Variants in DLG2 observed in about 807,000 individuals in gnomAD.
The protein encoded by DLG2 is discs large MAGUK scaffold protein 2.
A neutral mutation model predicts 132.5 loss-of-function variants in DLG2; 45 were observed. The observed-to-expected ratio is 0.34, with a 90% CI of 0.27 to 0.44. DLG2 has a LOEUF of 0.44. Ranked by LOEUF, DLG2 falls within the 20% of genes least tolerant of loss-of-function variation. The pLI is 1.00. For missense variants in DLG2, 1,045 were observed against 1,196.9 expected (o/e 0.87, Z 1.87); for synonymous variants, 424 against 419.6 (o/e 1.01, Z -0.13).
intron 7 of DLG2, among the ~76,000 whole-genome samples, chr11:84,489,573 C>T (rs976670269): frequency 2.0e-5 from 3 of 152,082 alleles, no homozygotes; most frequent in Non-Finnish European, 4.4e-5. Context: ...TTTTATTATA[C>T]AAACCTAGCT....
chr11:83,833,755 T>A lies in DLG2; in HGVS notation c.1581A>T (p.Val527=), dbSNP rs201504724. The change falls in exon 17 of 28, where the codon GTA becomes GTT. Residue 527 remains valine, a synonymous_variant. Transcript: ENST00000376104. The stretch of plus-strand genomic sequence containing the variant: ...GGCCAGTGGAGCCTTTGTGCAGGAC[T>A]ACCTTGCGAGGCTCTCTGCAGAAAG... ...AVSLEGEPRK[V]VLHKGSTGLG... 5 of 1,613,710 alleles carry A rather than the reference T, an allele frequency of 3.1e-6. No homozygotes were observed. Among genetic ancestry groups the A allele is most frequent in the Non-Finnish European group, 4.2e-6 (5 of 1,179,862 alleles).
chr11:84,507,318 T>C (rs1177081984), intron 7 of DLG2, among the ~76,000 whole-genome samples: 1 of 152,204 alleles, frequency 6.6e-6, no homozygotes, highest in East Asian at 1.9e-4. Context: ...ATAAATAATG[T>C]GTGACCAAAG....
intron 10 of DLG2, among the ~76,000 whole-genome samples, chr11:84,087,950 C>A (rs771316769): frequency 6.6e-6 from 1 of 152,082 alleles, no homozygotes; most frequent in Non-Finnish European, 1.5e-5. Flanking sequence ...GAAAATAATA[C>A]GAAATGATTG....
intron 19 of DLG2, among the ~76,000 whole-genome samples, chr11:83,607,536 T>C (rs1265478590): frequency 6.6e-6 from 1 of 152,200 alleles, no homozygotes; most frequent in Non-Finnish European, 1.5e-5. Flanking sequence ...ACTTACTACA[T>C]TTCCTACAAC....
At chr11:84,111,683 A>C (rs1201797493) in intron 9 of DLG2, among the ~76,000 whole-genome samples, 1 of 152,248 alleles carries the variant, frequency 6.6e-6, no homozygotes, top group Non-Finnish European at 1.5e-5. Flanking sequence ...AGAACCTGCT[A>C]TCTGTTCAAC....
intron 8 of DLG2, among the ~76,000 whole-genome samples, chr11:84,250,718 T>C (rs2097361057): frequency 1.3e-5 from 2 of 152,212 alleles, no homozygotes; most frequent in South Asian, 4.1e-4. Flanking sequence ...TAGGCTTCAT[T>C]GGTTTGCTTG....
At chr11:85,258,381 A>C (rs186260045) in intron 4 of DLG2, among the ~76,000 whole-genome samples, 6 of 152,336 alleles carry the variant, frequency 3.9e-5, no homozygotes, top group Admixed American at 3.9e-4. Context: ...ATACTATCTT[A>C]AATAGATTTT....
At chr11:84,047,582 T>C (rs920393269) in intron 11 of DLG2, among the ~76,000 whole-genome samples, 17 of 151,634 alleles carry the variant, frequency 1.1e-4, no homozygotes, top group African/African-American at 2.9e-4. Flanking sequence ...GTTGTGTGAA[T>C]GATAAAACTT....
At chr11:84,997,473 A>G (rs2057769996) in intron 6 of DLG2, 1 of 152,166 alleles carries the variant, frequency 6.6e-6, no homozygotes, top group South Asian at 2.1e-4. Flanking sequence ...AGAATGCTGT[A>G]CACATTGGGG....
At chr11:85,308,304 T>C (rs988651205) in intron 3 of DLG2, among the ~76,000 whole-genome samples, 4 of 151,456 alleles carry the variant, frequency 2.6e-5, no homozygotes, top group Non-Finnish European at 5.9e-5. Flanking sequence ...CCACAAAATA[T>C]GCTAGTTATC....
At chr11:83,902,998 C>T (rs1055233998) in intron 15 of DLG2, among the ~76,000 whole-genome samples, 1 of 152,040 alleles carries the variant, frequency 6.6e-6, no homozygotes, top group South Asian at 2.1e-4. Flanking sequence ...ATCATAGCAC[C>T]GTCCATACAA....
At chr11:84,229,977 G>C (rs1013648509) in intron 8 of DLG2, among the ~76,000 whole-genome samples, 5 of 152,106 alleles carry the variant, frequency 3.3e-5, no homozygotes, top group African/African-American at 9.7e-5. Context: ...GAATATCCCA[G>C]AATTTTAATC....
chr11:85,437,284 T>C (rs2091537155), intron 3 of DLG2, among the ~76,000 whole-genome samples: 1 of 151,392 alleles, frequency 6.6e-6, no homozygotes, highest in Non-Finnish European at 1.5e-5. Context: ...ACCTGCATGT[T>C]CTGCTCATGT....
chr11:85,196,791 A>C (rs746651106), intron 4 of DLG2, among the ~76,000 whole-genome samples: 3 of 152,220 alleles, frequency 2.0e-5, no homozygotes, highest in Non-Finnish European at 4.4e-5. Flanking sequence ...TTTTAACTAC[A>C]TGTGGAAAGT....
chr11:85,564,465 T>C (rs1011294460), intron 3 of DLG2, among the ~76,000 whole-genome samples: 7 of 151,976 alleles, frequency 4.6e-5, no homozygotes, highest in Admixed American at 3.9e-4. Context: ...CACATTCTAG[T>C]TCTACTGGTG....
At chr11:85,386,139 G>T (rs1192238696) in intron 3 of DLG2, among the ~76,000 whole-genome samples, 1 of 152,202 alleles carries the variant, frequency 6.6e-6, no homozygotes, top group Non-Finnish European at 1.5e-5. Context: ...AATTGTGGAA[G>T]AATCACAGAC....
chr11:83,890,403 T>C (rs974247675), intron 15 of DLG2, among the ~76,000 whole-genome samples: 3 of 152,164 alleles, frequency 2.0e-5, no homozygotes, highest in Non-Finnish European at 4.4e-5. Flanking sequence ...ATGAACTCAG[T>C]GGCCCTAGAT....
At chr11:85,625,936 G>A (rs1311602886) in intron 2 of DLG2, among the ~76,000 whole-genome samples, 1 of 152,198 alleles carries the variant, frequency 6.6e-6, no homozygotes, top group Non-Finnish European at 1.5e-5. Flanking sequence ...GAATTCACTA[G>A]ATCTTGATCA....
At chr11:84,731,834 A>G (rs529619564) in intron 6 of DLG2, among the ~76,000 whole-genome samples, 20 of 152,080 alleles carry the variant, frequency 1.3e-4, no homozygotes, top group Non-Finnish European at 2.5e-4. Flanking sequence ...AATTTTCAAC[A>G]TACGTATACA....
Sources: allele counts gnomAD v4.1 joint callset (sites outside exome capture counted in the v4.1 genomes callset), GRCh38; gene constraint gnomAD v4.1.1; transcripts MANE v1.5; gene names NCBI Gene and HGNC (gene_info 2026-07-23, HGNC 2026-07-21).